SPEF2: variants seen among roughly 807,000 people sequenced by gnomAD.
SPEF2 encodes the protein sperm flagella and cilia-associated protein 2.
In SPEF2, 187 loss-of-function variants were observed where a neutral mutation model predicts 224.6. The observed-to-expected ratio is 0.83, with a 90% CI of 0.74 to 0.94. The LOEUF (loss-of-function observed/expected upper bound fraction) is 0.94. Among genes scored for constraint, SPEF2 ranks in the 40% least tolerant of loss-of-function variants. The pLI, the probability that SPEF2 is intolerant of heterozygous loss-of-function variation, is 0.00. For missense variants in SPEF2, 2,170 were observed against 2,135.6 expected (o/e 1.02, Z -0.32); for synonymous variants, 715 against 707.3 (o/e 1.01, Z -0.17).
chr5:35,651,615 TAATCAC>T (rs2149429823), intron 6 of SPEF2, among the ~76,000 whole-genome samples: 1 of 152,338 alleles, frequency 6.6e-6, no homozygotes, highest in South Asian at 2.1e-4. Context: ...GCCATTTCAT[TAATCAC>T]TACTTTTTTT....
chr5:35,732,876 C>CT (rs1002464637), intron 21 of SPEF2, among the ~76,000 whole-genome samples: 57 of 152,186 alleles, frequency 3.7e-4, no homozygotes, highest in Middle Eastern at 3.4e-3. Context: ...AATCACATAA[C>CT]TTTTTTTACA....
chr5:35,654,458 G>T, intron 6 of SPEF2, 82 bp from the exon 7 acceptor site: 3 of 1,136,316 alleles, frequency 2.6e-6, no homozygotes, highest in Non-Finnish European at 3.6e-6. Flanking sequence ...TCCTTCTCCT[G>T]AGGTCTTTCT....
chr5:35,738,070 C>T (rs906458873), intron 21 of SPEF2, among the ~76,000 whole-genome samples: 2 of 151,794 alleles, frequency 1.3e-5, no homozygotes, highest in South Asian at 2.1e-4. Flanking sequence ...TGTTTGTTTC[C>T]TTCTTGTAAA....
intron 7 of SPEF2, among the ~76,000 whole-genome samples, chr5:35,656,669 T>C (rs966731227): frequency 1.3e-5 from 2 of 152,204 alleles, no homozygotes; most frequent in Non-Finnish European, 2.9e-5. Context: ...GAAAATGGAA[T>C]AAATGAATTC....
chr5:35,622,060 T>G (rs56370085), intron 1 of SPEF2, among the ~76,000 whole-genome samples: 14,557 of 152,220 alleles, frequency 0.096, 859 homozygotes, highest in East Asian at 0.18. Context: ...TATTAGGATA[T>G]ATTAATCATT....
At chr5:35,788,742 C>T (rs1338494296) in intron 30 of SPEF2, 1 of 703,008 alleles carries the variant, frequency 1.4e-6, no homozygotes. Context: ...GAAATACAAC[C>T]ATGTGTACAA....
intron 9 of SPEF2, among the ~76,000 whole-genome samples, chr5:35,669,151 T>C (rs1750901144): frequency 6.6e-6 from 1 of 152,150 alleles, no homozygotes; most frequent in Admixed American, 6.6e-5. Context: ...GTACCTTATA[T>C]AAGTGGAATA....
chr5:35,618,858 T>C (rs538892394), intron 1 of SPEF2, among the ~76,000 whole-genome samples: 1 of 150,266 alleles, frequency 6.7e-6, no homozygotes, highest in Non-Finnish European at 1.5e-5. Flanking sequence ...ATTTTTCAGT[T>C]GGTTTTGTTT....
intron 34 of SPEF2, among the ~76,000 whole-genome samples, chr5:35,805,098 C>T (rs1456376887): frequency 6.6e-6 from 1 of 152,162 alleles, no homozygotes; most frequent in Non-Finnish European, 1.5e-5. Flanking sequence ...TGCCATGTAG[C>T]ATTTCCAGAT....
Position 35,760,985 on chromosome 5 carries a change from T to C in SPEF2, c.3620+1266T>C, listed in dbSNP as rs184055441. On this transcript the variant is annotated intron_variant, in intron 25 of 36. Transcript: ENST00000356031. The stretch of plus-strand genomic sequence containing the variant: ...AGGCGATAAGAAACAAAAAACATTA[T>C]ATCAGATATGAGGAGGGGAAAAAGA... Among the ~76,000 whole-genome samples the C allele has an allele frequency of 4.8e-3, 725 of 152,188 alleles. 5 individuals are homozygous for C. Among genetic ancestry groups the C allele is most frequent in the African/African-American group, 0.017 (688 of 41,504 alleles).
intron 19 of SPEF2, among the ~76,000 whole-genome samples, chr5:35,712,326 C>T (rs1425736455): frequency 6.6e-6 from 1 of 151,986 alleles, no homozygotes; most frequent in Admixed American, 6.6e-5. Flanking sequence ...AACTCCTGGG[C>T]TCAAGCCATC....
chr5:35,680,077 A>G (rs762375360), intron 10 of SPEF2, among the ~76,000 whole-genome samples: 7 of 152,160 alleles, frequency 4.6e-5, no homozygotes, highest in Non-Finnish European at 1.0e-4. Context: ...GAAATACTTT[A>G]ATTTGTTTTT....
At chr5:35,639,198 C>T (rs187777352) in intron 2 of SPEF2, among the ~76,000 whole-genome samples, 4 of 152,246 alleles carry the variant, frequency 2.6e-5, no homozygotes, top group African/African-American at 7.2e-5. Flanking sequence ...AACAGCCCTG[C>T]TTGTCATATA....
At chr5:35,691,427 TGAG>T (rs1754467200) in intron 11 of SPEF2, among the ~76,000 whole-genome samples, 171 bp downstream of exon 11, 1 of 152,144 alleles carries the variant, frequency 6.6e-6, no homozygotes, top group African/African-American at 2.4e-5. Flanking sequence ...GCCATAAAAA[TGAG>T]TGAAATATTG....
intron 10 of SPEF2, chr5:35,671,544 A>C: frequency 1.0e-6 from 1 of 980,180 alleles, no homozygotes; most frequent in Non-Finnish European, 1.2e-6. Context: ...ATTTCTTTCC[A>C]TTGTAAATTA....
intron 36 of SPEF2, chr5:35,808,373 A>G (rs1758314007): frequency 6.3e-6 from 1 of 159,904 alleles, no homozygotes; most frequent in Non-Finnish European, 1.3e-5. Context: ...TACATTAGGT[A>G]TATCTCCTAA....
chr5:35,694,351 GA>G lies in SPEF2; in HGVS notation c.1966del (p.Thr656GlnfsTer23), dbSNP rs755138632. On this transcript the variant is annotated frameshift_variant, in exon 13 of 37. Transcript: ENST00000356031. LOFTEE classifies it high-confidence loss of function. Reference protein sequence around the residue: ...SDEVLPETEGETMLSANADKT... With the variant: ...SDEVLPETEGXTMLSANADKT... ...TGAAGTATTACCAGAAACAGAAGGT[GA>G]AACAATGCTTAGTAAGATCTCAAAA... is the stretch of plus-strand genomic sequence containing the variant. 6.2e-7 allele frequency: 1 copy of G among 1,612,332 alleles called. No homozygotes were observed. Among genetic ancestry groups the G allele is most frequent in the Non-Finnish European group, 8.5e-7 (1 of 1,179,090 alleles).
At chr5:35,705,179 C>T (rs559137978) in intron 17 of SPEF2, among the ~76,000 whole-genome samples, 93 of 151,908 alleles carry the variant, frequency 6.1e-4, no homozygotes, top group African/African-American at 2.1e-3. Context: ...GTCTACTCTC[C>T]AGGAAGAAAA....
At chr5:35,681,724 G>A (rs1414584733) in intron 10 of SPEF2, among the ~76,000 whole-genome samples, 1 of 152,128 alleles carries the variant, frequency 6.6e-6, no homozygotes, top group Non-Finnish European at 1.5e-5. Flanking sequence ...ATATCTACCT[G>A]TACAGAAATG....
Sources: allele counts gnomAD v4.1 joint callset (sites outside exome capture counted in the v4.1 genomes callset), GRCh38; gene constraint gnomAD v4.1.1; transcripts MANE v1.5; gene names NCBI Gene and HGNC (gene_info 2026-07-23, HGNC 2026-07-21).